GABRA3: variants seen among roughly 807,000 people sequenced by gnomAD.
GABRA3 encodes the protein gamma-aminobutyric acid receptor subunit alpha-3.
GABRA3 carries 10 observed loss-of-function variants against 30.1 expected under a neutral mutation model. The observed-to-expected ratio is 0.33, with a 90% CI of 0.20 to 0.56. GABRA3 has a LOEUF of 0.56. GABRA3 is among the 20% of genes least tolerant of loss of function. The pLI is 0.89. For missense variants in GABRA3, 233 were observed against 392.0 expected (o/e 0.59, Z 3.42); for synonymous variants, 151 against 146.8 (o/e 1.03, Z -0.21).
intron 5 of GABRA3, among the ~76,000 whole-genome samples, chrX:152,242,639 A>C (rs1206332191): frequency 8.9e-6 from 1 of 112,507 alleles, no homozygotes; most frequent in Non-Finnish European, 1.9e-5. Context: ...GTATGAAAAG[A>C]GGCTCAACTT....
At chrX:152,277,361 T>G (rs1456543306) in intron 4 of GABRA3, among the ~76,000 whole-genome samples, 1 of 111,687 alleles carries the variant, frequency 9.0e-6, no homozygotes, top group African/African-American at 3.3e-5. Context: ...ATCTGTTATC[T>G]AGAATTATTA....
chrX:152,223,872 T>G (rs1363795275), intron 6 of GABRA3, among the ~76,000 whole-genome samples: 1 of 110,623 alleles, frequency 9.0e-6, no homozygotes, highest in Non-Finnish European at 1.9e-5. Flanking sequence ...TACCCTTTAA[T>G]CCATTATTTT....
Position 152,336,563 on chromosome X carries a change from C to T in GABRA3, c.262+9018G>A, listed in dbSNP as rs928403897. Among the ~76,000 whole-genome samples, 7 of 111,895 alleles carry T rather than the reference C, an allele frequency of 6.3e-5. No homozygotes were observed. The East Asian group carries it at 2.0e-3, about 31-fold the overall frequency. ...CAACATACACATCTAGAAATACTTG[C>T]TGCCTTTATGTAAGTTTGGTGAAGT... On this transcript the variant is annotated intron_variant, in intron 3 of 9. Coordinates refer to ENST00000370314, the MANE Select transcript of GABRA3 (RefSeq NM_000808.4).
chrX:152,284,790 CAG>C (rs1556775981), intron 3 of GABRA3, 55 bp from the exon 4 acceptor site: 2 of 890,730 alleles, frequency 2.2e-6, no homozygotes, highest in Admixed American at 2.4e-5. Flanking sequence ...TGTCTTAGCT[CAG>C]AGAGAGTCCA....
At chrX:152,297,852 G>A (rs897796205) in intron 3 of GABRA3, among the ~76,000 whole-genome samples, 8 of 112,177 alleles carry the variant, frequency 7.1e-5, no homozygotes, top group African/African-American at 2.3e-4. Flanking sequence ...ATTGCTCCTC[G>A]CTGCAAATAG....
chrX:152,264,780 C>A (rs1183196419), intron 4 of GABRA3, among the ~76,000 whole-genome samples: 3 of 110,331 alleles, frequency 2.7e-5, no homozygotes, highest in African/African-American at 9.9e-5. Flanking sequence ...CACATGTAAA[C>A]TGAAAATAAA....
At chrX:152,241,380 G>A (rs1377709584) in intron 5 of GABRA3, among the ~76,000 whole-genome samples, 1 of 101,175 alleles carries the variant, frequency 9.9e-6, no homozygotes, top group Non-Finnish European at 2.1e-5. Flanking sequence ...CTCCAGCTGC[G>A]TGCTGGGAGA....
At chrX:152,259,697 C>T (rs58789240) in intron 4 of GABRA3, among the ~76,000 whole-genome samples, 12,817 of 110,375 alleles carry the variant, frequency 0.12, 605 homozygotes, top group African/African-American at 0.16. Context: ...CACCTGCTAA[C>T]TAAAGTGCCC....
At chrX:152,251,969 C>T (rs112956297) in intron 5 of GABRA3, among the ~76,000 whole-genome samples, 6,027 of 110,851 alleles carry the variant, frequency 0.054, 195 homozygotes, top group Non-Finnish European at 0.083. Flanking sequence ...TGATATCATC[C>T]CCTTGATGGT....
At chrX:152,332,402 C>G (rs1224508222) in intron 3 of GABRA3, among the ~76,000 whole-genome samples, 1 of 111,855 alleles carries the variant, frequency 8.9e-6, no homozygotes, top group Non-Finnish European at 1.9e-5. Context: ...AGGTTATGCC[C>G]TTTCTGTCCA....
At chrX:152,280,588 A>T (rs1354341787) in intron 4 of GABRA3, among the ~76,000 whole-genome samples, 1 of 111,690 alleles carries the variant, frequency 9.0e-6, no homozygotes, top group East Asian at 2.8e-4. Flanking sequence ...ATCAGAATGT[A>T]CGTTATCTGA....
At chrX:152,287,198 T>TA (rs894363673) in intron 3 of GABRA3, among the ~76,000 whole-genome samples, 2 of 112,076 alleles carry the variant, frequency 1.8e-5, no homozygotes, top group African/African-American at 6.5e-5. Context: ...AACATGGTTG[T>TA]AAAATTGTAA....
At chrX:152,431,529 G>A (rs762972845) in intron 1 of GABRA3, among the ~76,000 whole-genome samples, 1 of 111,730 alleles carries the variant, frequency 9.0e-6, no homozygotes, top group African/African-American at 3.2e-5. Flanking sequence ...GCAGAATAAT[G>A]GCCTTCCAAA....
At chrX:152,212,396 T>A (rs776625338) in intron 6 of GABRA3, among the ~76,000 whole-genome samples, 1 of 99,455 alleles carries the variant, frequency 1.0e-5, no homozygotes, top group Non-Finnish European at 2.0e-5. Context: ...TTTTATTATA[T>A]AGTCCCCAGA....
At chrX:152,291,583 T>C (rs182680457) in intron 3 of GABRA3, among the ~76,000 whole-genome samples, 183 of 111,928 alleles carry the variant, frequency 1.6e-3, no homozygotes, top group African/African-American at 5.1e-3. Context: ...CATCACTGTC[T>C]TGTGCCAGTT....
chrX:152,345,779 C>T (rs757444257), intron 2 of GABRA3, 77 bp from the exon 3 acceptor site: 1 of 951,403 alleles, frequency 1.1e-6, no homozygotes, highest in Admixed American at 3.4e-5. Context: ...TATCGTAATT[C>T]AAGATTTCAA....
rs1368494465 is a variant in GABRA3 at position 152,182,780 on chromosome X, C to G, written c.1143+6950G>C. On this transcript the variant is annotated intron_variant, in intron 9 of 9. Coordinates refer to ENST00000370314, the MANE Select transcript of GABRA3 (RefSeq NM_000808.4). Reference sequence around the variant, plus strand: ...ATAGTGTATATATAGTATATATATACAGTATATATATACTATATATGTATA... The same window carrying G: ...ATAGTGTATATATAGTATATATATAGAGTATATATATACTATATATGTATA... Among the ~76,000 whole-genome samples, 29 of 10,998 alleles carry G rather than the reference C, an allele frequency of 2.6e-3. 1 individual carries two copies. Among genetic ancestry groups the G allele is most frequent in the African/African-American group, 7.2e-3 (26 of 3,621 alleles). 9.6% of individuals were successfully genotyped at this position (10,998 alleles called of 115,157 possible).
chrX:152,171,807 T>C (rs1271054506), intron 9 of GABRA3, among the ~76,000 whole-genome samples: 2 of 112,171 alleles, frequency 1.8e-5, no homozygotes, highest in South Asian at 3.7e-4. Flanking sequence ...CCCAAGGAGT[T>C]TGAATCCAGA....
At chrX:152,374,179 T>C (rs926779428) in intron 1 of GABRA3, among the ~76,000 whole-genome samples, 2 of 110,646 alleles carry the variant, frequency 1.8e-5, no homozygotes, top group Admixed American at 1.9e-4. Flanking sequence ...TTTAGATTCC[T>C]TGTAGACTCT....
Sources: allele counts gnomAD v4.1 joint callset (sites outside exome capture counted in the v4.1 genomes callset), GRCh38; gene constraint gnomAD v4.1.1; transcripts MANE v1.5; gene names NCBI Gene and HGNC (gene_info 2026-07-23, HGNC 2026-07-21).